Variants in GPC6 observed in about 807,000 individuals in gnomAD.
The protein encoded by GPC6 is glypican-6.
In GPC6, 14 loss-of-function variants were observed where a neutral mutation model predicts 55.2. The ratio of observed to expected loss-of-function variants is 0.25; its 90% CI spans 0.17 to 0.40. The LOEUF (loss-of-function observed/expected upper bound fraction) is 0.40, where lower values mean the gene tolerates loss of function less well. GPC6 is among the 10% of genes least tolerant of loss of function. The pLI is 1.00. For synonymous variants in GPC6, 278 were observed against 259.6 expected, an observed-to-expected ratio of 1.07 and a Z score of -0.68; for missense variants, 641 against 708.5, an observed-to-expected ratio of 0.90 and a Z score of 1.08.
chr13:93,273,871 C>T (rs779860889), intron 1 of GPC6, among the ~76,000 whole-genome samples: 1 of 151,572 alleles, frequency 6.6e-6, no homozygotes, highest in African/African-American at 2.4e-5. Context: ...TGTGGTGGTG[C>T]GATCTCGGCT....
intron 4 of GPC6, among the ~76,000 whole-genome samples, chr13:94,092,146 G>T (rs577365828): frequency 6.7e-6 from 1 of 149,804 alleles, no homozygotes; most frequent in Non-Finnish European, 1.5e-5. Context: ...GGCGGGATTG[G>T]TGAGAACATT....
chr13:94,197,298 A>G (rs556284798), intron 4 of GPC6, among the ~76,000 whole-genome samples: 1 of 151,990 alleles, frequency 6.6e-6, no homozygotes, highest in East Asian at 1.9e-4. Context: ...CATAACCTCC[A>G]CTCCCTGCCA....
intron 6 of GPC6, among the ~76,000 whole-genome samples, chr13:94,371,546 C>T (rs1168370576): frequency 1.3e-5 from 2 of 152,136 alleles, no homozygotes; most frequent in African/African-American, 4.8e-5. Flanking sequence ...AATATTTTAG[C>T]ACCGTCAGAG....
intron 4 of GPC6, among the ~76,000 whole-genome samples, chr13:94,188,413 A>G (rs1889272512): frequency 6.6e-6 from 1 of 152,140 alleles, no homozygotes; most frequent in Admixed American, 6.5e-5. Context: ...TGTATAGGGG[A>G]ATAGAAGATT....
Position 93,822,899 on chromosome 13 carries a change from T to C in GPC6, c.320-7255T>C, listed in dbSNP as rs145281954. Among the ~76,000 whole-genome samples, 53 of 151,340 alleles carry C rather than the reference T, an allele frequency of 3.5e-4. No individual in the cohort carries two copies. The East Asian group carries it at 9.9e-3, about 28-fold the overall frequency. ...TTTTCTTTGAGATGGAGTCTCGCTC[T>C]GTCACCCAGGCTGGAGTGCAGTGGC... On this transcript the variant is annotated intron_variant, in intron 2 of 8. Coordinates refer to ENST00000377047, the MANE Select transcript of GPC6 (RefSeq NM_005708.5).
chr13:93,536,946 A>G (rs1882087051), intron 1 of GPC6, among the ~76,000 whole-genome samples: 1 of 152,160 alleles, frequency 6.6e-6, no homozygotes, highest in South Asian at 2.1e-4. Context: ...ACAGGCAACA[A>G]CATTTTCATT....
At chr13:93,729,144 A>G (rs1883741311) in intron 2 of GPC6, among the ~76,000 whole-genome samples, 1 of 152,196 alleles carries the variant, frequency 6.6e-6, no homozygotes, top group Admixed American at 6.5e-5. Context: ...TAATAGAAAT[A>G]GAGGGTCTAA....
In GPC6 at chr13:94,011,528, G is replaced by C. The variant is rs55854566; in HGVS notation, c.712-16201G>C. Among the ~76,000 whole-genome samples, 1,078 of 152,122 alleles carry C rather than the reference G, an allele frequency of 7.1e-3. 14 individuals are homozygous for C. The highest frequency in any genetic ancestry group is 0.025 in the African/African-American group (1,024 of 41,498). ...TTGGGAATACTGAAAATACTGAAAGGCACCACATGCCCAGTAATCCTACTT... is the reference window on the plus strand; with the variant it reads ...TTGGGAATACTGAAAATACTGAAAGCCACCACATGCCCAGTAATCCTACTT... On this transcript the variant is annotated intron_variant, in intron 3 of 8. Coordinates refer to ENST00000377047, the MANE Select transcript of GPC6 (RefSeq NM_005708.5).
chr13:94,358,648 G>A (rs768150279), intron 6 of GPC6, among the ~76,000 whole-genome samples: 5 of 152,184 alleles, frequency 3.3e-5, no homozygotes, highest in African/African-American at 4.8e-5. Flanking sequence ...TTAAGAGTGC[G>A]AATCTCCAGA....
intron 4 of GPC6, chr13:94,154,238 T>TA (rs1190198197): frequency 6.8e-6 from 1 of 146,460 alleles, no homozygotes; most frequent in Non-Finnish European, 1.5e-5. Flanking sequence ...GATTTTTTTT[T>TA]ACAGCTACTC....
rs562602925 is a variant in GPC6 at position 93,574,725 on chromosome 13, G to A, written c.319+29304G>A. 1.3e-4 allele frequency among the ~76,000 whole-genome samples: 20 copies of A among 152,186 alleles called. No homozygotes were observed. In the East Asian group the frequency reaches 2.3e-3, roughly 18 times the overall value. ...TCTTTCAGGTTGGTTTGCTGTCAAT[G>A]CCCATTATACTCCACTGCTATCCCC... On this transcript the variant is annotated intron_variant, in intron 2 of 8. Transcript: ENST00000377047.
At chr13:94,292,083 T>C (rs866130937) in intron 5 of GPC6, among the ~76,000 whole-genome samples, 1 of 152,212 alleles carries the variant, frequency 6.6e-6, no homozygotes, top group Non-Finnish European at 1.5e-5. Flanking sequence ...GTGTTTTACA[T>C]GGTTTCTATT....
chr13:94,274,785 C>G (rs1481808257), intron 4 of GPC6, among the ~76,000 whole-genome samples: 1 of 151,232 alleles, frequency 6.6e-6, no homozygotes, highest in East Asian at 1.9e-4. Context: ...GAAATAACCT[C>G]TGACAGAAGC....
intron 4 of GPC6, among the ~76,000 whole-genome samples, chr13:94,081,433 A>G (rs1885092081): frequency 6.6e-6 from 1 of 152,198 alleles, no homozygotes; most frequent in Non-Finnish European, 1.5e-5. Context: ...ACAAAGGAGT[A>G]TAACAACAAT....
chr13:93,289,504 T>C (rs945655010), intron 1 of GPC6, among the ~76,000 whole-genome samples: 1 of 152,054 alleles, frequency 6.6e-6, no homozygotes, highest in Non-Finnish European at 1.5e-5. Context: ...TTAAGAAAAA[T>C]AATGCAATGC....
At chr13:93,621,445 G>A (rs1878946962) in intron 2 of GPC6, among the ~76,000 whole-genome samples, 1 of 152,178 alleles carries the variant, frequency 6.6e-6, no homozygotes, top group Non-Finnish European at 1.5e-5. Context: ...TGGTAGCCAT[G>A]TTTCTCAAAC....
At chr13:93,610,186 A>G (rs1332733724) in intron 2 of GPC6, among the ~76,000 whole-genome samples, 1 of 152,198 alleles carries the variant, frequency 6.6e-6, no homozygotes, top group Non-Finnish European at 1.5e-5. Context: ...GATTTTACGG[A>G]AAAAACTTCG....
intron 4 of GPC6, among the ~76,000 whole-genome samples, chr13:94,192,054 T>TA (rs11381320): frequency 0.17 from 26,157 of 151,882 alleles, 2,381 homozygotes; most frequent in Middle Eastern, 0.24. Flanking sequence ...TGATTTTTAT[T>TA]AAAAAAAATA....
chr13:93,776,026 G>A (rs1423137696), intron 2 of GPC6, among the ~76,000 whole-genome samples: 2 of 94,820 alleles, frequency 2.1e-5, no homozygotes, highest in Non-Finnish European at 4.1e-5. Context: ...TACTTTTAAA[G>A]CCTTTTTTTT....
Sources: allele counts gnomAD v4.1 joint callset (sites outside exome capture counted in the v4.1 genomes callset), GRCh38; gene constraint gnomAD v4.1.1; transcripts MANE v1.5; gene names NCBI Gene and HGNC (gene_info 2026-07-23, HGNC 2026-07-21).